OSBPL9: variants seen among roughly 807,000 people sequenced by gnomAD.
OSBPL9 encodes oxysterol binding protein like 9.
A neutral mutation model predicts 106.6 loss-of-function variants in OSBPL9; 40 were observed. The ratio of observed to expected loss-of-function variants is 0.38; its 90% CI spans 0.29 to 0.49. OSBPL9 has a LOEUF of 0.49. OSBPL9 is among the 20% of genes least tolerant of loss of function. The pLI is 0.97. For synonymous variants in OSBPL9, 269 were observed against 295.4 expected (o/e 0.91, Z 0.92); for missense variants, 609 against 887.2 (o/e 0.69, Z 3.98).
At chr1:51,622,387 C>G (rs1644494661) in intron 1 of OSBPL9, among the ~76,000 whole-genome samples, 1 of 152,104 alleles carries the variant, frequency 6.6e-6, no homozygotes, top group African/African-American at 2.4e-5. Flanking sequence ...GGATAGGACT[C>G]TGGAAAATAC....
At chr1:51,737,796 G>C (rs1666031219) in intron 4 of OSBPL9, among the ~76,000 whole-genome samples, 1 of 151,804 alleles carries the variant, frequency 6.6e-6, no homozygotes, top group South Asian at 2.1e-4. Context: ...TTTTAAAAAG[G>C]CAATTTGCTG....
intron 5 of OSBPL9, among the ~76,000 whole-genome samples, chr1:51,746,071 TC>T (rs1426650529): frequency 6.6e-6 from 1 of 152,172 alleles, no homozygotes. Context: ...AAGCAATTGT[TC>T]TTCTGCCTCA....
At chr1:51,609,398 C>T (rs928128230) in intron 2 of OSBPL9, among the ~76,000 whole-genome samples, 5 of 149,482 alleles carry the variant, frequency 3.3e-5, no homozygotes, top group Non-Finnish European at 5.9e-5. Flanking sequence ...GGTTGGAGTG[C>T]AGTGGCACCA....
chr1:51,527,152 A>G, the OSBPL9 span, among the ~76,000 whole-genome samples: 1 of 152,206 alleles, frequency 6.6e-6, no homozygotes, highest in African/African-American at 2.4e-5. Context: ...AAGGTCCTCC[A>G]CTTATAAGCT....
At chr1:51,597,041 A>C (rs533215652) in intron 1 of OSBPL9, among the ~76,000 whole-genome samples, 140 of 152,276 alleles carry the variant, frequency 9.2e-4, no homozygotes, top group Admixed American at 2.1e-3. Flanking sequence ...TTTGGTTGCC[A>C]TGTATTCATC....
chr1:51,747,630 A>G (rs551166143), intron 6 of OSBPL9, among the ~76,000 whole-genome samples: 39 of 133,040 alleles, frequency 2.9e-4, no homozygotes, highest in South Asian at 1.9e-3. Flanking sequence ...ACCTGTTAAT[A>G]GTAACTCATG....
At chr1:51,609,809 G>A (rs896689706) in intron 2 of OSBPL9, among the ~76,000 whole-genome samples, 14 of 150,080 alleles carry the variant, frequency 9.3e-5, no homozygotes, top group African/African-American at 2.2e-4. Context: ...GTGCAGTGGC[G>A]TGATCTCGGC....
intron 3 of OSBPL9, among the ~76,000 whole-genome samples, chr1:51,705,911 C>T (rs533896099): frequency 6.6e-6 from 1 of 152,288 alleles, no homozygotes; most frequent in Admixed American, 6.5e-5. Flanking sequence ...ATTCTTAGTA[C>T]ATTCCACTGG....
At chr1:51,682,129 G>A (rs190430036) in intron 3 of OSBPL9, among the ~76,000 whole-genome samples, 61 of 152,080 alleles carry the variant, frequency 4.0e-4, no homozygotes, top group East Asian at 3.9e-3. Context: ...GCTTGAACCC[G>A]GGAGGCAGAG....
At chr1:51,548,364 G>A in the OSBPL9 span, among the ~76,000 whole-genome samples, 1 of 148,624 alleles carries the variant, frequency 6.7e-6, no homozygotes, top group South Asian at 2.2e-4. Context: ...CTCCTAAAGT[G>A]CTGAGATTAC....
At chr1:51,727,524 TAGAA>T (rs1663347490) in intron 4 of OSBPL9, among the ~76,000 whole-genome samples, 1 of 152,140 alleles carries the variant, frequency 6.6e-6, no homozygotes, top group Non-Finnish European at 1.5e-5. Flanking sequence ...ATAACACAAA[TAGAA>T]AGCAGAGCAG....
rs141548638 is a variant in OSBPL9 at position 51,637,194 on chromosome 1, T to C, written c.112-14797T>C. The stretch of plus-strand genomic sequence containing the variant: ...CTTTCTGTCACTGATTCCTCAGTTA[T>C]AAAATGAGTATAACATGCCAGGCAT... On this transcript the variant is annotated intron_variant, in intron 1 of 23. Coordinates refer to ENST00000428468, the MANE Select transcript of OSBPL9 (RefSeq NM_024586.6). Among the ~76,000 whole-genome samples the C allele has an allele frequency of 5.6e-3, 860 of 152,286 alleles. 2 individuals are homozygous for C. Among genetic ancestry groups the C allele is most frequent in the African/African-American group, 0.02 (816 of 41,564 alleles).
chr1:51,675,138 G>A (rs2148780197), intron 3 of OSBPL9, among the ~76,000 whole-genome samples: 2 of 152,246 alleles, frequency 1.3e-5, no homozygotes, highest in East Asian at 3.9e-4. Context: ...GCCTAATGAT[G>A]CATTTCTCAC....
At chr1:51,535,645 C>A in the OSBPL9 span, among the ~76,000 whole-genome samples, 1 of 151,860 alleles carries the variant, frequency 6.6e-6, no homozygotes, top group Admixed American at 6.6e-5. Flanking sequence ...TCAGCCTCTG[C>A]CTATGGGTTC....
intron 16 of OSBPL9, among the ~76,000 whole-genome samples, chr1:51,782,311 G>A (rs1278155026): frequency 6.6e-6 from 1 of 152,170 alleles, no homozygotes; most frequent in Non-Finnish European, 1.5e-5. Context: ...TCATTTGGCA[G>A]ACATTGATAA....
the OSBPL9 span, among the ~76,000 whole-genome samples, chr1:51,556,745 C>T: frequency 6.6e-6 from 1 of 151,268 alleles, no homozygotes; most frequent in South Asian, 2.1e-4. Context: ...GAGATCTTAC[C>T]ACTGCACTCC....
chr1:51,769,526 T>C lies in OSBPL9; in HGVS notation c.939-2544T>C, dbSNP rs142791983. 1.6e-3 allele frequency among the ~76,000 whole-genome samples: 246 copies of C among 152,336 alleles called. 7 individuals are homozygous for C. The East Asian group carries it at 0.046, about 29-fold the overall frequency. On this transcript the variant is annotated intron_variant, in intron 12 of 23. Transcript: ENST00000428468. ...TTTCCTTAGGGTTGTAATGTAGATATAGACATACCGTGTATGGTGCATACA... is the reference window on the plus strand; with the variant it reads ...TTTCCTTAGGGTTGTAATGTAGATACAGACATACCGTGTATGGTGCATACA...
At chr1:51,629,196 AATC>A (rs1644956108) in intron 1 of OSBPL9, among the ~76,000 whole-genome samples, 1 of 152,148 alleles carries the variant, frequency 6.6e-6, no homozygotes, top group Non-Finnish European at 1.5e-5. Flanking sequence ...TTGCTATCAT[AATC>A]ATCTCGTTTG....
At chr1:51,519,087 C>T in the OSBPL9 span, 1 of 704,098 alleles carries the variant, frequency 1.4e-6, no homozygotes, top group Non-Finnish European at 2.1e-6. Context: ...GCCCGGCCCA[C>T]AAGCCAAGAA....
Sources: allele counts gnomAD v4.1 joint callset (sites outside exome capture counted in the v4.1 genomes callset), GRCh38; gene constraint gnomAD v4.1.1; transcripts MANE v1.5; gene names NCBI Gene and HGNC (gene_info 2026-07-23, HGNC 2026-07-21).